Variants in QRFPR observed in about 807,000 individuals in gnomAD.
QRFPR encodes the protein pyroglutamylated RFamide peptide receptor, also known as pyroglutamylated RF-amide peptide receptor.
QRFPR carries 37 observed loss-of-function variants against 31.3 expected under a neutral mutation model. That is an observed-to-expected ratio of 1.18 (90% CI 0.91 to 1.56). QRFPR has a LOEUF of 1.56. QRFPR is among the 40% of genes most tolerant of loss of function. The pLI, the probability that QRFPR is intolerant of heterozygous loss-of-function variation, is 0.00. For synonymous variants in QRFPR, 197 were observed against 192.0 expected, an observed-to-expected ratio of 1.03 and a Z score of -0.22; for missense variants, 542 against 532.5, an observed-to-expected ratio of 1.02 and a Z score of -0.18.
chr4:121,356,884 G>C (rs548090415), intron 1 of QRFPR, among the ~76,000 whole-genome samples: 7 of 152,086 alleles, frequency 4.6e-5, no homozygotes. Context: ...CTTGTCCAGG[G>C]TCTCTGAATC....
intron 1 of QRFPR, among the ~76,000 whole-genome samples, chr4:121,376,545 T>G (rs1052981079): frequency 4.9e-4 from 31 of 63,800 alleles, no homozygotes; most frequent in African/African-American, 2.6e-3. Context: ...CTGGGTTTGT[T>G]TTTTTTTTTT....
At chr4:121,353,152 A>G (rs1725796436) in intron 1 of QRFPR, among the ~76,000 whole-genome samples, 1 of 152,114 alleles carries the variant, frequency 6.6e-6, no homozygotes. Flanking sequence ...TATCTTGGCT[A>G]TTGTGAAGAG....
chr4:121,332,729 T>C (rs1579567304), intron 4 of QRFPR, 92 bp downstream of exon 4: 1 of 921,430 alleles, frequency 1.1e-6, no homozygotes, highest in East Asian at 2.6e-5. Context: ...TTAGACTAAA[T>C]TACCTAGAGG....
intron 1 of QRFPR, chr4:121,369,639 C>T (rs542938925): frequency 1.9e-5 from 31 of 1,601,378 alleles, no homozygotes; most frequent in Non-Finnish European, 1.7e-6. Flanking sequence ...GCAAAACTTC[C>T]AGAATCATAC....
intron 1 of QRFPR, among the ~76,000 whole-genome samples, chr4:121,376,576 G>A (rs1048638518): frequency 4.6e-5 from 7 of 151,360 alleles, no homozygotes; most frequent in Admixed American, 1.3e-4. Context: ...TAAAAAACAG[G>A]CCTAACTAGT....
intron 5 of QRFPR, among the ~76,000 whole-genome samples, chr4:121,330,139 G>A (rs887477296): frequency 1.3e-5 from 2 of 152,186 alleles, no homozygotes; most frequent in Non-Finnish European, 2.9e-5. Context: ...ATGCTAATAG[G>A]ATGTCACTCC....
rs1560743820 is a variant in QRFPR, at chr4:121,365,573, A to ATATAAT, written c.340+14734_340+14735insATTATA. ...ATAATATATAATATATATTATATAT[A>ATATAAT]ATATATATTATATATATTATATATA... is the stretch of plus-strand genomic sequence containing the variant. On this transcript the variant is annotated intron_variant, in intron 1 of 5. Coordinates refer to ENST00000394427, the MANE Select transcript of QRFPR (RefSeq NM_198179.3). Among the ~76,000 whole-genome samples, 15 of 7,070 alleles carry ATATAAT rather than the reference A, an allele frequency of 2.1e-3. 1 individual carries two copies. The highest frequency in any genetic ancestry group is 6.8e-3 in the Admixed American group (2 of 296). 4.6% of individuals were successfully genotyped at this position (7,070 alleles called of 152,430 possible). A position where few individuals can be genotyped will look rare whatever the true frequency, so the allele number is the denominator to read the frequency against.
At chr4:121,342,216 C>T (rs899405134) in intron 1 of QRFPR, among the ~76,000 whole-genome samples, 9 of 152,108 alleles carry the variant, frequency 5.9e-5, no homozygotes, top group African/African-American at 1.9e-4. Context: ...GACATCAATG[C>T]TCCTGGTTCC....
At chr4:121,373,674 C>T (rs897179781) in intron 1 of QRFPR, among the ~76,000 whole-genome samples, 3 of 152,102 alleles carry the variant, frequency 2.0e-5, no homozygotes, top group Admixed American at 2.0e-4. Flanking sequence ...TTTCTAGTCA[C>T]TGATTGAATA....
chr4:121,335,909 T>A (rs1181677971), intron 3 of QRFPR, among the ~76,000 whole-genome samples: 1 of 152,134 alleles, frequency 6.6e-6, no homozygotes, highest in Non-Finnish European at 1.5e-5. Flanking sequence ...GATGCATTTT[T>A]CCAGGTAGCA....
chr4:121,328,819 G>A lies in QRFPR; in HGVS notation c.*495C>T, dbSNP rs966084256. 9.2e-5 allele frequency among the ~76,000 whole-genome samples: 14 copies of A among 152,096 alleles called. No individual in the cohort carries two copies. The highest frequency in any genetic ancestry group is 5.9e-5 in the Non-Finnish European group (4 of 68,026). On this transcript the variant is annotated 3_prime_UTR_variant, in exon 6 of 6. Coordinates refer to ENST00000394427, the MANE Select transcript of QRFPR (RefSeq NM_198179.3). ...CGCCCAGGCTGGAGTGCAGTGGCAT[G>A]ATCTCGGATCACTGCAAGCTCCGCC... is the stretch of plus-strand genomic sequence containing the variant.
rs1438722214 is a variant in QRFPR, at chr4:121,332,825, C to T, written c.793G>A (p.Ala265Thr). ...TIHGKEMSKI[A>T]RKKKRAVIMM... ...TGAATATTTCATTAAACAGACCTGG[C>T]TATTTTGGACATTTCTTTTCCATGA... Residue 265 changes from alanine (A) to threonine (T), a missense_variant, in exon 4 of 6, where the codon GCC becomes ACC. Physicochemically the swap from Ala to Thr is moderately conservative, Grantham distance 58. Transcript: ENST00000394427. The T allele has an allele frequency of 6.2e-7, 1 of 1,608,320 alleles. No individual in the cohort carries two copies. The highest frequency in any genetic ancestry group is 1.7e-5 in the Admixed American group (1 of 60,004).
Position 121,333,046 on chromosome 4 carries a change from TC to T in QRFPR, c.571del (p.Asp191ThrfsTer12), listed in dbSNP as rs1560732532. The T allele has an allele frequency of 6.2e-7, 1 of 1,600,830 alleles. No individual in the cohort carries two copies. The highest frequency in any genetic ancestry group is 1.1e-5 in the South Asian group (1 of 90,246). ...WHVQQLEIKY[D>X]FLYEKEHICC... ...GATGTGTTCCTTTTCATATAGGAAG[TC>T]ATATTTGATCTTCATAATAAGAATA... On this transcript the variant is annotated frameshift_variant, in exon 4 of 6. Transcript: ENST00000394427. LOFTEE classifies it high-confidence loss of function.
Position 121,380,675 on chromosome 4 carries a change from A to G in QRFPR, c.-28T>C, listed in dbSNP as rs1392643090. 6.8e-7 allele frequency: 1 copy of G among 1,473,032 alleles called. No individual in the cohort carries two copies. Among genetic ancestry groups the G allele is most frequent in the East Asian group, 2.5e-5 (1 of 40,586 alleles). The allele number at this position is 1,473,032 out of a possible 1,614,324, so 91.2% of individuals were successfully genotyped here. A position where few individuals can be genotyped will look rare whatever the true frequency, so the allele number is the denominator to read the frequency against. On this transcript the variant is annotated 5_prime_UTR_variant, in exon 1 of 6. Coordinates refer to ENST00000394427, the MANE Select transcript of QRFPR (RefSeq NM_198179.3). ...CTGTGCGCTCCCGGGACGCGGGGCC[A>G]CCGCCCGCTACTGGCTGGCCATCCG...
chr4:121,371,013 T>C (rs11944160), intron 1 of QRFPR, among the ~76,000 whole-genome samples: 2,590 of 152,320 alleles, frequency 0.017, 89 homozygotes, highest in African/African-American at 0.059. Context: ...ACTTATAATC[T>C]AGTTAATACA....
At chr4:121,337,147 T>C (rs1725451279) in intron 2 of QRFPR, among the ~76,000 whole-genome samples, 1 of 152,198 alleles carries the variant, frequency 6.6e-6, no homozygotes, top group African/African-American at 2.4e-5. Context: ...TTCTCTACCA[T>C]CTCAATTGCC....
In QRFPR at chr4:121,329,556, C is replaced by T. The variant is rs766401995; in HGVS notation, c.1054G>A (p.Val352Ile). ...TGTGCTGGAGAGAAGGTTTTATTTA[C>T]TATGCAATAACAAACTGCAGACAAA... ...NVLSAVCYCI[V>I]NKTFSPAQRH... Residue 352 changes from valine (V) to isoleucine (I), a missense_variant, in exon 6 of 6, where the codon GTA becomes ATA. By Grantham distance (29) the Val-to-Ile change is conservative. Coordinates refer to ENST00000394427, the MANE Select transcript of QRFPR (RefSeq NM_198179.3). 2.5e-6 allele frequency: 4 copies of T among 1,613,662 alleles called. No individual in the cohort carries two copies. In the East Asian group the frequency reaches 6.7e-5, roughly 27 times the overall value.
In QRFPR at chr4:121,329,619, CA is replaced by C. The variant is rs772271035; in HGVS notation, c.990del (p.Ile330MetfsTer6). ...IGFSNSICNP[I>X]VYAFMNENFK... is the part of the protein sequence containing the mutation. ...AAGTTTTCATTCATAAATGCATAGA[CA>C]ATGGGATTACAGATGGAGTTGGAAA... On this transcript the variant is annotated frameshift_variant, in exon 6 of 6. Coordinates refer to ENST00000394427, the MANE Select transcript of QRFPR (RefSeq NM_198179.3). LOFTEE classifies it low-confidence loss of function (END_TRUNC). 26 of 1,610,878 alleles carry C rather than the reference CA, an allele frequency of 1.6e-5. No individual in the cohort carries two copies. Among genetic ancestry groups the C allele is most frequent in the Non-Finnish European group, 2.0e-5 (24 of 1,178,686 alleles).
At chr4:121,360,437 T>C (rs1397256291) in intron 1 of QRFPR, among the ~76,000 whole-genome samples, 1 of 152,168 alleles carries the variant, frequency 6.6e-6, no homozygotes, top group Non-Finnish European at 1.5e-5. Flanking sequence ...CATTATCACT[T>C]CGATGGACCA....
Sources: gnomAD v4.1 joint callset for allele counts (sites outside exome capture counted in the v4.1 genomes callset) on GRCh38, gnomAD v4.1.1 for gene constraint, MANE v1.5 for transcripts, NCBI Gene and HGNC (gene_info 2026-07-23, HGNC 2026-07-21) for gene names.